MVB12B: variants seen among roughly 807,000 people sequenced by gnomAD.
MVB12B encodes ESCRT-I complex subunit MVB12B.
In MVB12B, 16 loss-of-function variants were observed where a neutral mutation model predicts 41.6. The observed-to-expected ratio is 0.38, with a 90% confidence interval of 0.26 to 0.58. The LOEUF is 0.58. MVB12B is among the 20% of genes least tolerant of loss of function. MVB12B has a pLI of 0.62. For missense variants in MVB12B, 274 were observed against 380.2 expected (o/e 0.72, Z 2.32); for synonymous variants, 133 against 139.7 (o/e 0.95, Z 0.34).
At chr9:126,453,724 C>T (rs988576980) in intron 7 of MVB12B, among the ~76,000 whole-genome samples, 3 of 152,244 alleles carry the variant, frequency 2.0e-5, no homozygotes, top group Admixed American at 6.5e-5. Flanking sequence ...GGCACACTCT[C>T]ACGTGTACAT....
In MVB12B at chr9:126,481,362, T is replaced by G. The variant is rs1261367084; in HGVS notation, c.758-7T>G. The G allele has an allele frequency of 6.2e-7, 1 of 1,612,824 alleles. No homozygotes were observed. ...TTAATGCCATCTTTTTTTTTCTTCT[T>G]TTGCAGCAATGGATGGTGTGCCTTT... On this transcript the variant is annotated splice_region_variant and splice_polypyrimidine_tract_variant and intron_variant, in intron 7 of 9. Transcript: ENST00000361171.
At chr9:126,385,033 C>T (rs545685761) in intron 3 of MVB12B, among the ~76,000 whole-genome samples, 5 of 151,956 alleles carry the variant, frequency 3.3e-5, no homozygotes, top group South Asian at 2.1e-4. Context: ...GATGGGGTTT[C>T]GCCATGTTTC....
At chr9:126,482,829 C>G (rs1348029121) in intron 8 of MVB12B, among the ~76,000 whole-genome samples, 1 of 152,270 alleles carries the variant, frequency 6.6e-6, no homozygotes, top group Admixed American at 6.5e-5. Flanking sequence ...TCCAAGGACA[C>G]ATACCCAGCC....
chr9:126,398,377 C>T (rs1262335378), intron 6 of MVB12B, among the ~76,000 whole-genome samples: 2 of 152,092 alleles, frequency 1.3e-5, no homozygotes, highest in East Asian at 3.9e-4. Flanking sequence ...CGGGTCTTTT[C>T]CTATGGCGAG....
rs1351609066 is a variant in MVB12B, at chr9:126,333,718, A to G, written c.81+6708A>G. On this transcript the variant is annotated intron_variant, in intron 1 of 9. Coordinates refer to ENST00000361171, the MANE Select transcript of MVB12B (RefSeq NM_033446.3). The surrounding 1 kb of genome is among the most constrained non-coding windows in gnomAD (Gnocchi z 4.7). ...TGCCCGTGTGTGACCCTGGTTTTAA[A>G]TGGTGGGGTGGGTATCTGCAGGGGA... Among the ~76,000 whole-genome samples, 1 of 152,148 alleles carries G rather than the reference A, an allele frequency of 6.6e-6. No homozygotes were observed. Among genetic ancestry groups the G allele is most frequent in the Non-Finnish European group, 1.5e-5 (1 of 68,020 alleles).
chr9:126,440,850 C>G (rs1188496710), intron 7 of MVB12B, among the ~76,000 whole-genome samples: 2 of 152,344 alleles, frequency 1.3e-5, no homozygotes, highest in East Asian at 3.9e-4. Flanking sequence ...GCAGGCACAG[C>G]CCGTGCATGC....
chr9:126,457,849 G>C (rs1345059403), intron 7 of MVB12B, among the ~76,000 whole-genome samples: 1 of 152,190 alleles, frequency 6.6e-6, no homozygotes, highest in Non-Finnish European at 1.5e-5. Context: ...TCACGGCTTG[G>C]TGCTTGTCCA....
chr9:126,467,404 C>T (rs923930676), intron 7 of MVB12B, among the ~76,000 whole-genome samples: 2 of 152,192 alleles, frequency 1.3e-5, no homozygotes, highest in Non-Finnish European at 2.9e-5. Context: ...AAGTTAGCTT[C>T]GATCACCTGG....
chr9:126,384,955 G>A lies in MVB12B; in HGVS notation c.313-1607G>A, dbSNP rs141653676. On this transcript the variant is annotated intron_variant, in intron 3 of 9. Coordinates refer to ENST00000361171, the MANE Select transcript of MVB12B (RefSeq NM_033446.3). ...AGGCTCCAACAATCCTCCTACTTCA[G>A]CTTCCTGAGTAGCTGGGACTACATG... is the stretch of plus-strand genomic sequence containing the variant. 1.3e-4 allele frequency among the ~76,000 whole-genome samples: 19 copies of A among 150,062 alleles called. 1 individual carries two copies. The highest frequency in any genetic ancestry group is 4.7e-4 in the African/African-American group (19 of 40,640).
At chr9:126,429,770 A>G (rs541915261) in intron 7 of MVB12B, among the ~76,000 whole-genome samples, 1 of 152,358 alleles carries the variant, frequency 6.6e-6, no homozygotes, top group South Asian at 2.1e-4. Context: ...GTTAATGAAC[A>G]GCGTGTGCAG....
chr9:126,452,031 A>G (rs1301060891), intron 7 of MVB12B, among the ~76,000 whole-genome samples: 1 of 152,198 alleles, frequency 6.6e-6, no homozygotes, highest in East Asian at 1.9e-4. Flanking sequence ...GAACCGTACC[A>G]TCAACCCCAT....
At chr9:126,403,617 G>C (rs1203518256) in intron 6 of MVB12B, among the ~76,000 whole-genome samples, 3 of 152,190 alleles carry the variant, frequency 2.0e-5, no homozygotes, top group Non-Finnish European at 2.9e-5. Flanking sequence ...TAGTCACACA[G>C]AAATAGCAAT....
intron 7 of MVB12B, among the ~76,000 whole-genome samples, chr9:126,451,737 C>T (rs555639398): frequency 4.6e-5 from 7 of 152,076 alleles, no homozygotes; most frequent in East Asian, 1.9e-4. Context: ...GGTGGGTGCC[C>T]GGGACTCATG....
intron 7 of MVB12B, among the ~76,000 whole-genome samples, chr9:126,433,132 G>T (rs1330736249): frequency 6.6e-6 from 1 of 152,108 alleles, no homozygotes; most frequent in East Asian, 1.9e-4. Flanking sequence ...ACCCTTCTGT[G>T]CCTTTGTCTC....
At chr9:126,489,739 G>A (rs1412405564) in intron 9 of MVB12B, among the ~76,000 whole-genome samples, 1 of 152,164 alleles carries the variant, frequency 6.6e-6, no homozygotes, top group Non-Finnish European at 1.5e-5. Context: ...TGCCACCTCC[G>A]TCACCTCGCA....
chr9:126,429,985 G>A (rs571051489), intron 7 of MVB12B, among the ~76,000 whole-genome samples: 41 of 152,232 alleles, frequency 2.7e-4, no homozygotes, highest in African/African-American at 7.7e-4. Flanking sequence ...ACCTCTCTTC[G>A]CACACCTGCA....
At chr9:126,414,883 TTTTG>T (rs943859340) in intron 6 of MVB12B, among the ~76,000 whole-genome samples, 18 of 152,066 alleles carry the variant, frequency 1.2e-4, no homozygotes, top group South Asian at 8.3e-4. Context: ...ACTGGCTAAT[TTTTG>T]TTTGTTTGTT....
At chr9:126,482,517 A>G (rs1833543907) in intron 8 of MVB12B, among the ~76,000 whole-genome samples, 1 of 152,080 alleles carries the variant, frequency 6.6e-6, no homozygotes, top group African/African-American at 2.4e-5. Flanking sequence ...CCGCGTTGCC[A>G]TGGCGACGCT....
chr9:126,413,849 T>TGC lies in MVB12B; in HGVS notation c.663-8004_663-8003insCG, dbSNP rs1554776186. 6.4e-3 allele frequency among the ~76,000 whole-genome samples: 954 copies of TGC among 148,622 alleles called. 8 individuals carry two copies. The highest frequency in any genetic ancestry group is 0.02 in the Middle Eastern group (6 of 294). On this transcript the variant is annotated intron_variant, in intron 6 of 9. Transcript: ENST00000361171. ...GTGTGTGTGTGTGTGTGTGTGTGTG[T>TGC]GTGTATAAGGGTTGGGAGATCAAAG...
Sources: allele counts gnomAD v4.1 joint callset (sites outside exome capture counted in the v4.1 genomes callset), GRCh38; gene constraint gnomAD v4.1.1; non-coding constraint Gnocchi (gnomAD v3.1); transcripts MANE v1.5; gene names NCBI Gene and HGNC (gene_info 2026-07-23, HGNC 2026-07-21).